The following MGAM variants were observed in gnomAD, a reference collection of about 807,000 sequenced individuals.
MGAM encodes the protein alpha-1,4-glucosidase.
In MGAM, 253 loss-of-function variants were observed where a neutral mutation model predicts 358.8. The observed-to-expected ratio is 0.71, with a 90% CI of 0.64 to 0.78. The LOEUF is 0.78. Among genes scored for constraint, MGAM ranks in the 30% least tolerant of loss-of-function variants. The pLI, the probability that MGAM is intolerant of heterozygous loss-of-function variation, is 0.00. For missense variants in MGAM, 3,080 were observed against 3,432.6 expected (o/e 0.90, Z 2.57); for synonymous variants, 1,105 against 1,227.1 (o/e 0.90, Z 2.08).
At chr7:142,099,908 T>A (rs549863169) in intron 67 of MGAM, among the ~76,000 whole-genome samples, 171 bp downstream of exon 67, 2 of 152,354 alleles carry the variant, frequency 1.3e-5, no homozygotes, top group East Asian at 3.9e-4. Flanking sequence ...TCTATACTCT[T>A]CGACTAATTA....
rs1563159491 is a variant in MGAM, at chr7:142,045,829, TTATATATACATACAA to T, written c.2499-1952_2499-1938del. On this transcript the variant is annotated intron_variant, in intron 21 of 70. Transcript: ENST00000475668. ...ACAATGTATGAATATATGATATATATTATATATACATACAATATGTAATATATATATTATATATAC... is the reference window on the plus strand; with the variant it reads ...ACAATGTATGAATATATGATATATATTATGTAATATATATATTATATATAC... Among the ~76,000 whole-genome samples the T allele has an allele frequency of 1.5e-3, 188 of 121,578 alleles. 13 individuals are homozygous for T. The highest frequency in any genetic ancestry group is 6.1e-3 in the African/African-American group (184 of 30,036). 79.8% of individuals were successfully genotyped at this position (121,578 alleles called of 152,430 possible).
intron 70 of MGAM, among the ~76,000 whole-genome samples, chr7:142,104,744 C>CA (rs1489552344): frequency 6.6e-6 from 1 of 152,168 alleles, no homozygotes; most frequent in Admixed American, 6.5e-5. Context: ...TTGTCGATTA[C>CA]AAGACACGCT....
At chr7:142,100,948 C>G in intron 68 of MGAM, 58 bp downstream of exon 68, 1 of 1,440,114 alleles carries the variant, frequency 6.9e-7, no homozygotes, top group South Asian at 1.2e-5. Context: ...CCTGGATTAT[C>G]TTACAGGCCT....
intron 22 of MGAM, among the ~76,000 whole-genome samples, chr7:142,049,019 C>T (rs186252991): frequency 4.6e-5 from 7 of 152,082 alleles, no homozygotes; most frequent in Admixed American, 6.6e-5. Flanking sequence ...CCCCAGTTTC[C>T]ACACCTGCAG....
Position 142,094,607 on chromosome 7 carries a change from C to G in MGAM, c.7307-13C>G, listed in dbSNP as rs1815718725. 2 of 1,607,972 alleles carry G rather than the reference C, an allele frequency of 1.2e-6. No homozygotes were observed. The highest frequency in any genetic ancestry group is 1.3e-5 in the African/African-American group (1 of 74,770). On this transcript the variant is annotated splice_polypyrimidine_tract_variant and intron_variant, in intron 61 of 70. Coordinates refer to ENST00000475668, the MANE Select transcript of MGAM (RefSeq NM_001365693.1). Reference sequence around the variant, plus strand: ...GCGAGCCTGGTGTGACACAGCTGTGCTTCTCGTTGCAGGCATGATGGAGTT... The same window carrying G: ...GCGAGCCTGGTGTGACACAGCTGTGGTTCTCGTTGCAGGCATGATGGAGTT...
chr7:142,087,298 G>A lies in MGAM; in HGVS notation c.6810+581G>A, dbSNP rs1291315550. Among the ~76,000 whole-genome samples, 2 of 145,454 alleles carry A rather than the reference G, an allele frequency of 1.4e-5. 1 individual carries two copies. Among genetic ancestry groups the A allele is most frequent in the Non-Finnish European group, 3.1e-5 (2 of 64,272 alleles). On this transcript the variant is annotated intron_variant, in intron 57 of 70. Coordinates refer to ENST00000475668, the MANE Select transcript of MGAM (RefSeq NM_001365693.1). The stretch of plus-strand genomic sequence containing the variant: ...TACTGTAAAACTTGCTCTCTTCTGG[G>A]GATGGTTTGTTGCTTGTAATGGATC...
intron 13 of MGAM, among the ~76,000 whole-genome samples, chr7:142,032,444 G>T (rs1807592493): frequency 6.6e-6 from 1 of 151,786 alleles, no homozygotes; most frequent in Non-Finnish European, 1.5e-5. Context: ...ACCTTTATGT[G>T]CTCTCTCTCT....
At chr7:142,076,172 G>GA (rs571077986) in intron 45 of MGAM, 31 bp from the exon 46 acceptor site, 1 of 1,504,728 alleles carries the variant, frequency 6.6e-7, no homozygotes, top group Non-Finnish European at 9.2e-7. Flanking sequence ...TGGGCAAGCC[G>GA]GAGTCTGACT....
upstream of MGAM, among the ~76,000 whole-genome samples, chr7:141,991,889 G>A (rs533885617): frequency 4.0e-4 from 61 of 152,246 alleles, 1 homozygote; most frequent in Middle Eastern, 3.4e-3. Flanking sequence ...TTATACCTTG[G>A]TCTGGCCTGA....
rs1254394429 is a variant in MGAM, at chr7:142,105,988, C to T, written c.*97C>T. ...ATTGTGTGTTGCTAATTTGTTCATA[C>T]CCACTATTGGTGAAATATTTCTGTT... is the stretch of plus-strand genomic sequence containing the variant. On this transcript the variant is annotated 3_prime_UTR_variant, in exon 71 of 71. Transcript: ENST00000475668. The T allele has an allele frequency of 5.5e-5, 52 of 938,832 alleles. No homozygotes were observed. The highest frequency in any genetic ancestry group is 8.2e-5 in the Non-Finnish European group (48 of 588,410). 58.2% of individuals were successfully genotyped at this position (938,832 alleles called of 1,614,324 possible).
chr7:142,041,928 A>AC lies in MGAM; in HGVS notation c.2498+1082_2498+1083insC, dbSNP rs1808679746. ...TATTATATATATACGTATAATATATAATATATATATTATATATATACATAT... is the reference window on the plus strand; with the variant it reads ...TATTATATATATACGTATAATATATACATATATATATTATATATATACATAT... On this transcript the variant is annotated intron_variant, in intron 21 of 70. Transcript: ENST00000475668. Among the ~76,000 whole-genome samples, 18 of 16,446 alleles carry AC rather than the reference A, an allele frequency of 1.1e-3. No individual in the cohort carries two copies. The East Asian group carries it at 0.012, about 11-fold the overall frequency. The allele number at this position is 16,446 out of a possible 152,430, so 10.8% of individuals were successfully genotyped here. A position where few individuals can be genotyped will look rare whatever the true frequency, so the allele number is the denominator to read the frequency against.
At chr7:142,045,510 T>C (rs1200358561) in intron 21 of MGAM, among the ~76,000 whole-genome samples, 1 of 108,538 alleles carries the variant, frequency 9.2e-6, no homozygotes, top group Non-Finnish European at 1.6e-5. Flanking sequence ...ATATATTACA[T>C]ATACATATAA....
At chr7:142,044,809 T>C (rs184105066) in intron 21 of MGAM, among the ~76,000 whole-genome samples, 22 of 62,780 alleles carry the variant, frequency 3.5e-4, no homozygotes, top group African/African-American at 1.2e-3. Flanking sequence ...ATGTATATTA[T>C]ATACACGTGT....
In MGAM at chr7:142,059,959, G is replaced by A. The variant is rs1231688882; in HGVS notation, c.4052G>A (p.Trp1351Ter). The change falls in exon 33 of 71, where the codon TGG (tryptophan) becomes TAG (stop). Residue 1351 changes from tryptophan (W) to a stop codon, truncating the protein, a stop_gained. Coordinates refer to ENST00000475668, the MANE Select transcript of MGAM (RefSeq NM_001365693.1). LOFTEE classifies it high-confidence loss of function. ...IKYPNDGDIVWGKVWPDFPDV... is the reference protein window; with the variant it reads ...IKYPNDGDIV Reference sequence around the variant, plus strand: ...TACCCAAATGATGGAGACATTGTCTGGGGAAAGGTATAATCCTAAGCGATG... The same window carrying A: ...TACCCAAATGATGGAGACATTGTCTAGGGAAAGGTATAATCCTAAGCGATG... The A allele has an allele frequency of 1.4e-5, 23 of 1,602,794 alleles. No individual in the cohort carries two copies. In the Admixed American group the frequency reaches 2.6e-4, roughly 18 times the overall value.
chr7:142,067,172 G>C (rs983015188), intron 41 of MGAM, among the ~76,000 whole-genome samples, 169 bp from the exon 42 acceptor site: 4 of 146,274 alleles, frequency 2.7e-5, no homozygotes, highest in African/African-American at 9.7e-5. Flanking sequence ...CACATCCCAT[G>C]GGGAAAGCAG....
In MGAM at chr7:142,058,545, T is replaced by G. The variant is rs541347810; in HGVS notation, c.3819+217T>G. Among the ~76,000 whole-genome samples, 8 of 152,212 alleles carry G rather than the reference T, an allele frequency of 5.3e-5. No individual in the cohort carries two copies. The East Asian group carries it at 1.4e-3, about 26-fold the overall frequency. On this transcript the variant is annotated intron_variant, in intron 31 of 70. Transcript: ENST00000475668. Reference sequence around the variant, plus strand: ...CAAGACCCAGCATGACTCGCCAGAGTGGGAGATAGGCTGGCTCCAGGGCTC... The same window carrying G: ...CAAGACCCAGCATGACTCGCCAGAGGGGGAGATAGGCTGGCTCCAGGGCTC...
At chr7:142,077,828 T>G (rs1813864989) in intron 47 of MGAM, among the ~76,000 whole-genome samples, 1 of 145,732 alleles carries the variant, frequency 6.9e-6, no homozygotes, top group East Asian at 2.0e-4. Context: ...ATATACTACA[T>G]AAATGCGAGC....
intron 4 of MGAM, among the ~76,000 whole-genome samples, chr7:142,019,547 T>C (rs1365659175): frequency 2.6e-5 from 4 of 152,260 alleles, no homozygotes; most frequent in African/African-American, 9.6e-5. Context: ...CTTCCCCATT[T>C]ATGGACCTTC....
chr7:142,047,157 A>G (rs1291858730), intron 21 of MGAM, among the ~76,000 whole-genome samples: 1 of 152,120 alleles, frequency 6.6e-6, no homozygotes, highest in African/African-American at 2.4e-5. Flanking sequence ...GACTCCAAAT[A>G]AAAATTTCTC....
Sources: allele counts gnomAD v4.1 joint callset (sites outside exome capture counted in the v4.1 genomes callset), GRCh38; gene constraint gnomAD v4.1.1; transcripts MANE v1.5; gene names NCBI Gene and HGNC (gene_info 2026-07-23, HGNC 2026-07-21).